IL2RB: variants seen among roughly 807,000 people sequenced by gnomAD.
IL2RB encodes interleukin-2 receptor subunit beta.
In IL2RB, 17 loss-of-function variants were observed where a neutral mutation model predicts 44.2. The observed-to-expected ratio is 0.38, with a 90% confidence interval of 0.26 to 0.58. The LOEUF (loss-of-function observed/expected upper bound fraction) is 0.58, where lower values mean the gene tolerates loss of function less well. Among genes scored for constraint, IL2RB ranks in the 20% least tolerant of loss-of-function variants. The pLI, the probability that IL2RB is intolerant of heterozygous loss-of-function variation, is 0.63. For missense variants in IL2RB, 624 were observed against 685.5 expected (o/e 0.91, Z 1.00); for synonymous variants, 286 against 297.9 (o/e 0.96, Z 0.41).
At chr22:37,170,135 G>T (rs1319623408) in intron 1 of IL2RB, among the ~76,000 whole-genome samples, 1 of 151,746 alleles carries the variant, frequency 6.6e-6, no homozygotes, top group Non-Finnish European at 1.5e-5. Flanking sequence ...GATGGATGAA[G>T]GGATGAACAG....
chr22:37,170,599 C>T (rs1018904808), intron 1 of IL2RB, among the ~76,000 whole-genome samples: 1 of 152,136 alleles, frequency 6.6e-6, no homozygotes, highest in Non-Finnish European at 1.5e-5. Flanking sequence ...TCATGGGAGT[C>T]GACTTGCCCC....
In IL2RB at chr22:37,139,240, C is replaced by T; in HGVS notation, c.283-18G>A. The T allele has an allele frequency of 6.4e-7, 1 of 1,570,618 alleles. No individual in the cohort carries two copies. The highest frequency in any genetic ancestry group is 2.3e-5 in the East Asian group (1 of 44,048). On this transcript the variant is annotated intron_variant, in intron 4 of 9. Transcript: ENST00000216223. ...TTCTGAGACTGCAAGGGAAGGAGGGCAGGGGTGAAACTTCTAGCAGCTTCA... is the reference window on the plus strand; with the variant it reads ...TTCTGAGACTGCAAGGGAAGGAGGGTAGGGGTGAAACTTCTAGCAGCTTCA...
chr22:37,146,872 A>G (rs1922253695), intron 1 of IL2RB, among the ~76,000 whole-genome samples: 1 of 151,926 alleles, frequency 6.6e-6, no homozygotes, highest in East Asian at 1.9e-4. Context: ...GGCTTACATC[A>G]GAGCCAGCAT....
At position 37,142,373 on chromosome 22, in the gene IL2RB, C is replaced by T. The variant is rs370974166; in HGVS notation, c.282+61G>A. ...CCTGGCATCCGGCCCACCCTGAGAT[C>T]GCAGCCCGGAGCTGGGAGACCACCC... On this transcript the variant is annotated intron_variant, in intron 4 of 9. Coordinates refer to ENST00000216223, the MANE Select transcript of IL2RB (RefSeq NM_000878.5). 7.8e-4 allele frequency: 1,163 copies of T among 1,490,268 alleles called. 2 individuals are homozygous for T. The highest frequency in any genetic ancestry group is 9.2e-4 in the Non-Finnish European group (982 of 1,068,316). 92.3% of individuals were successfully genotyped at this position (1,490,268 alleles called of 1,614,324 possible).
intron 2 of IL2RB, 80 bp downstream of exon 2, chr22:37,144,005 C>T: frequency 7.1e-6 from 11 of 1,543,174 alleles, no homozygotes; most frequent in Non-Finnish European, 9.6e-6. Flanking sequence ...GCCCCATCCC[C>T]TTCTGGGAAG....
intron 8 of IL2RB, 94 bp downstream of exon 8, chr22:37,135,230 GTGTA>G: frequency 1.3e-6 from 1 of 784,046 alleles, no homozygotes; most frequent in Non-Finnish European, 2.2e-6. Flanking sequence ...GTGTGTGTGT[GTGTA>G]TGTGTGCTTG....
At chr22:37,174,290 C>T (rs1006845780) in intron 1 of IL2RB, among the ~76,000 whole-genome samples, 4 of 152,128 alleles carry the variant, frequency 2.6e-5, no homozygotes, top group African/African-American at 7.2e-5. Flanking sequence ...AAAGCCTTGC[C>T]ACTGAATGCT....
intron 8 of IL2RB, 45 bp downstream of exon 8, chr22:37,135,283 T>A (rs779620990): frequency 7.7e-7 from 1 of 1,303,514 alleles, no homozygotes; most frequent in South Asian, 1.2e-5. Context: ...TGTGTGCACG[T>A]TGGAGGGGTG....
chr22:37,130,243 G>A (rs560115271), intron 9 of IL2RB, among the ~76,000 whole-genome samples: 11 of 152,340 alleles, frequency 7.2e-5, no homozygotes, highest in African/African-American at 2.2e-4. Context: ...GGGCAAGGGC[G>A]GGGCCAGACA....
intron 1 of IL2RB, among the ~76,000 whole-genome samples, chr22:37,161,569 G>A (rs1451988574): frequency 1.4e-5 from 2 of 147,452 alleles, no homozygotes; most frequent in African/African-American, 2.5e-5. Context: ...TCAATCAGAA[G>A]CCTCAGCTCC....
chr22:37,140,389 G>A (rs1450380727), intron 4 of IL2RB, among the ~76,000 whole-genome samples: 3 of 151,682 alleles, frequency 2.0e-5, no homozygotes, highest in East Asian at 1.9e-4. Flanking sequence ...ACACTGTGCC[G>A]GGCACTCTTG....
At chr22:37,130,636 G>T (rs1213126405) in intron 9 of IL2RB, among the ~76,000 whole-genome samples, 1 of 152,168 alleles carries the variant, frequency 6.6e-6, no homozygotes, top group East Asian at 1.9e-4. Context: ...AAGCTGGAAT[G>T]GTTTGCAGCT....
intron 8 of IL2RB, among the ~76,000 whole-genome samples, chr22:37,132,921 A>G (rs1465638937): frequency 6.6e-6 from 1 of 152,176 alleles, no homozygotes; most frequent in Non-Finnish European, 1.5e-5. Flanking sequence ...CAGGTTGTAC[A>G]CTGCCCAAGG....
chr22:37,149,500 C>T (rs1230349048), intron 1 of IL2RB, among the ~76,000 whole-genome samples: 2 of 152,196 alleles, frequency 1.3e-5, no homozygotes, highest in Admixed American at 1.3e-4. Flanking sequence ...GCTATCCACC[C>T]ATCCCTTCTC....
intron 1 of IL2RB, among the ~76,000 whole-genome samples, chr22:37,157,831 A>T (rs1922731840): frequency 6.6e-6 from 1 of 152,192 alleles, no homozygotes; most frequent in South Asian, 2.1e-4. Context: ...AAATTACCTG[A>T]CATACGGACA....
chr22:37,140,284 CTCATTA>C (rs1206640151), intron 4 of IL2RB, among the ~76,000 whole-genome samples: 1 of 122,734 alleles, frequency 8.1e-6, no homozygotes, highest in African/African-American at 2.9e-5. Flanking sequence ...TGATAGTAGT[CTCATTA>C]TTATTATTAT....
At chr22:37,170,436 G>C (rs910741904) in intron 1 of IL2RB, among the ~76,000 whole-genome samples, 1 of 151,274 alleles carries the variant, frequency 6.6e-6, no homozygotes, top group Admixed American at 6.6e-5. Context: ...AGCGGGGGCA[G>C]ACTCTGCACT....
At position 37,143,504 on chromosome 22, in the gene IL2RB, G is replaced by A; in HGVS notation, c.203+17C>T. On this transcript the variant is annotated intron_variant, in intron 3 of 9. Transcript: ENST00000216223. ...TCCCACCATCCTAAGATTCTGCAGT[G>A]TGGCCAGTGGACTCACCGTCTGTCC... The A allele has an allele frequency of 6.6e-7, 1 of 1,508,010 alleles. No homozygotes were observed. Among genetic ancestry groups the A allele is most frequent in the Non-Finnish European group, 9.2e-7 (1 of 1,083,624 alleles). 93.4% of individuals were successfully genotyped at this position (1,508,010 alleles called of 1,614,324 possible).
chr22:37,158,458 T>C (rs962364207), intron 1 of IL2RB, among the ~76,000 whole-genome samples: 6 of 152,034 alleles, frequency 3.9e-5, no homozygotes, highest in African/African-American at 1.5e-4. Flanking sequence ...TTCAGGAGGC[T>C]GAGGCAGAAG....
Sources: allele counts gnomAD v4.1 joint callset (sites outside exome capture counted in the v4.1 genomes callset), GRCh38; gene constraint gnomAD v4.1.1; transcripts MANE v1.5; gene names NCBI Gene and HGNC (gene_info 2026-07-23, HGNC 2026-07-21).